PDE1C: variants seen among roughly 807,000 people sequenced by gnomAD.
PDE1C encodes dual specificity calcium/calmodulin-dependent 3',5'-cyclic nucleotide phosphodiesterase 1C.
PDE1C carries 62 observed loss-of-function variants against 93.1 expected under a neutral mutation model. The ratio of observed to expected loss-of-function variants is 0.67; its 90% CI spans 0.54 to 0.82. PDE1C has a LOEUF of 0.82. Ranked by LOEUF, PDE1C falls within the 40% of genes least tolerant of loss-of-function variation. The pLI, the probability that PDE1C is intolerant of heterozygous loss-of-function variation, is 0.00. For missense variants in PDE1C, 742 were observed against 884.6 expected (o/e 0.84, Z 2.04); for synonymous variants, 325 against 310.1 (o/e 1.05, Z -0.50).
In PDE1C at chr7:31,801,826, A is replaced by G. The variant is rs532067659; in HGVS notation, c.1891+7205T>C. ...GCTTTCTTTTGATTAGTGTTAAGAC[A>G]GTATACCAATTTAAAACCTTTTACT... On this transcript the variant is annotated intron_variant, in intron 16 of 17. Coordinates refer to ENST00000396191, the MANE Select transcript of PDE1C (RefSeq NM_001191057.4). 3.3e-5 allele frequency among the ~76,000 whole-genome samples: 5 copies of G among 151,574 alleles called. No homozygotes were observed. The South Asian group carries it at 1.0e-3, about 31-fold the overall frequency.
chr7:32,104,472 A>G (rs1171373237), intron 3 of PDE1C, among the ~76,000 whole-genome samples: 1 of 152,210 alleles, frequency 6.6e-6, no homozygotes, highest in Admixed American at 6.5e-5. Context: ...CAAGTTTTCG[A>G]AAAAGAAAAG....
At chr7:32,305,978 C>G (rs1470301279) in intron 1 of PDE1C, among the ~76,000 whole-genome samples, 1 of 152,236 alleles carries the variant, frequency 6.6e-6, no homozygotes. Context: ...TGGAAGGAAC[C>G]TGGTGGGAGA....
chr7:32,051,651 C>T lies in PDE1C; in HGVS notation c.102-71G>A, dbSNP rs185610313. ...GCAGTGGGTAAGAAAGGGATTACTTCAGTGGGGATGGGCATGGGGGTCAAC... is the reference window on the plus strand; with the variant it reads ...GCAGTGGGTAAGAAAGGGATTACTTTAGTGGGGATGGGCATGGGGGTCAAC... On this transcript the variant is annotated intron_variant, in intron 1 of 17. Coordinates refer to ENST00000396191, the MANE Select transcript of PDE1C (RefSeq NM_001191057.4). The T allele has an allele frequency of 6.7e-5, 88 of 1,304,084 alleles. No individual in the cohort carries two copies. In the African/African-American group the frequency reaches 1.1e-3, roughly 16 times the overall value. The allele number at this position is 1,304,084 out of a possible 1,614,324, so 80.8% of individuals were successfully genotyped here.
chr7:31,865,147 C>A, intron 6 of PDE1C, 65 bp from the exon 7 acceptor site: 4 of 1,570,742 alleles, frequency 2.5e-6, no homozygotes, highest in South Asian at 1.1e-5. Flanking sequence ...ACACAGAAGT[C>A]TAAGGCACCA....
the PDE1C span, among the ~76,000 whole-genome samples, chr7:31,727,693 GCTTT>G: frequency 3.9e-5 from 6 of 152,100 alleles, no homozygotes; most frequent in East Asian, 5.8e-4. Flanking sequence ...TCTAAACACA[GCTTT>G]CTTTAATTTT....
chr7:32,260,776 C>T lies in PDE1C; in HGVS notation c.85+37875G>A, dbSNP rs185356004. Among the ~76,000 whole-genome samples, 712 of 152,310 alleles carry T rather than the reference C, an allele frequency of 4.7e-3. 2 individuals are homozygous for T. Among genetic ancestry groups the T allele is most frequent in the African/African-American group, 0.016 (678 of 41,558 alleles). ...AACAGCCCTTTCCCGAAAAGACCCC[C>T]TTCTTGCCTGGGGACCAGTCTGCCT... On this transcript the variant is annotated intron_variant, in intron 1 of 18. Transcript: ENST00000396193.
chr7:32,117,170 T>C (rs937264681), intron 3 of PDE1C, among the ~76,000 whole-genome samples: 4 of 152,224 alleles, frequency 2.6e-5, no homozygotes, highest in African/African-American at 9.6e-5. Context: ...CTTCTCTTTC[T>C]ATCCAAACCT....
At chr7:31,914,798 C>G (rs1801671898) in intron 2 of PDE1C, among the ~76,000 whole-genome samples, 1 of 151,972 alleles carries the variant, frequency 6.6e-6, no homozygotes, top group South Asian at 2.1e-4. Context: ...AAATTGCTGT[C>G]CAATTAAAAA....
rs371711708 is a variant in PDE1C at position 31,799,650 on chromosome 7, C to T, written c.1891+9381G>A. Among the ~76,000 whole-genome samples, 11 of 151,782 alleles carry T rather than the reference C, an allele frequency of 7.2e-5. No homozygotes were observed. In the East Asian group the frequency reaches 1.9e-3, roughly 27 times the overall value. On this transcript the variant is annotated intron_variant, in intron 16 of 17. Coordinates refer to ENST00000396191, the MANE Select transcript of PDE1C (RefSeq NM_001191057.4). ...GTAGCAAGTCAAGGTCATGAGACAA[C>T]AGCCTTGTGAAGAATTATATAATGT...
chr7:32,377,476 G>A (rs975957932), intron 1 of PDE1C, among the ~76,000 whole-genome samples: 1 of 152,112 alleles, frequency 6.6e-6, no homozygotes, highest in Non-Finnish European at 1.5e-5. Context: ...TCTCAATTGG[G>A]AAGAAGTTTT....
At chr7:32,237,500 G>C (rs898402009) in intron 1 of PDE1C, among the ~76,000 whole-genome samples, 1 of 151,694 alleles carries the variant, frequency 6.6e-6, no homozygotes, top group African/African-American at 2.4e-5. Flanking sequence ...TACTCTGGTG[G>C]TACACATATG....
At chr7:32,292,586 C>T (rs1246673389) in intron 1 of PDE1C, among the ~76,000 whole-genome samples, 1 of 152,126 alleles carries the variant, frequency 6.6e-6, no homozygotes, top group Non-Finnish European at 1.5e-5. Context: ...CATTTTACAG[C>T]TTAGGAGTCT....
chr7:31,823,901 A>G (rs1304908074), intron 13 of PDE1C, among the ~76,000 whole-genome samples: 1 of 152,142 alleles, frequency 6.6e-6, no homozygotes, highest in African/African-American at 2.4e-5. Flanking sequence ...TAAAGAAGTG[A>G]CTGGTAGGAA....
rs1860790 is a variant in PDE1C at position 31,815,964 on chromosome 7, G to A, written c.1773C>T (p.Asn591=). Residue 591 remains asparagine (N), a synonymous_variant, in exon 15 of 18, where the codon AAC becomes AAT. Transcript: ENST00000396191. ...ANKSDNPRGK[N]SKAEKSSGEQ... is the part of the protein sequence containing the mutation. ...CTCCTGATGACTTCTCGGCTTTGGA[G>A]TTTTTCCCACGAGGGTTGTCACTTT... 1,576,799 of 1,613,948 alleles carry A rather than the reference G, an allele frequency of 0.98. 770,436 individuals are homozygous for A. The highest frequency in any genetic ancestry group is 0.99 in the Admixed American group (59,112 of 59,996).
At chr7:32,412,342 G>A (rs1261589350) in intron 1 of PDE1C, among the ~76,000 whole-genome samples, 10 of 151,678 alleles carry the variant, frequency 6.6e-5, no homozygotes, top group Non-Finnish European at 1.3e-4. Flanking sequence ...TGTAATCCCA[G>A]TTACTTGGGA....
At chr7:31,779,457 C>G (rs1255657419) in intron 16 of PDE1C, among the ~76,000 whole-genome samples, 1 of 152,140 alleles carries the variant, frequency 6.6e-6, no homozygotes, top group African/African-American at 2.4e-5. Flanking sequence ...GTAGAGGTAG[C>G]TTTTCATCCC....
intron 2 of PDE1C, among the ~76,000 whole-genome samples, chr7:31,916,689 A>C (rs533226270): frequency 2.0e-5 from 3 of 152,342 alleles, no homozygotes; most frequent in Non-Finnish European, 4.4e-5. Context: ...AGGAGACTAC[A>C]GTAAATCAAA....
chr7:31,861,227 T>C (rs1022873840), intron 7 of PDE1C, among the ~76,000 whole-genome samples: 12 of 152,200 alleles, frequency 7.9e-5, no homozygotes, highest in African/African-American at 2.9e-4. Context: ...TCCCTTGGTT[T>C]ATACCCCATG....
intron 1 of PDE1C, among the ~76,000 whole-genome samples, chr7:32,384,628 C>T (rs1273198366): frequency 1.3e-5 from 2 of 152,060 alleles, no homozygotes; most frequent in East Asian, 1.9e-4. Context: ...AGACAACCTG[C>T]ATGGGTACAC....
Sources: gnomAD v4.1 joint callset for allele counts (sites outside exome capture counted in the v4.1 genomes callset) on GRCh38, gnomAD v4.1.1 for gene constraint, MANE v1.5 for transcripts, NCBI Gene and HGNC (gene_info 2026-07-23, HGNC 2026-07-21) for gene names.